Variants in PALM2AKAP2 observed in about 807,000 individuals in gnomAD.
The protein encoded by PALM2AKAP2 is PALM2-AKAP2 fusion protein.
In PALM2AKAP2, 37 loss-of-function variants were observed where a neutral mutation model predicts 71.5. The observed-to-expected ratio is 0.52, with a 90% CI of 0.40 to 0.68. The LOEUF is 0.68. Among genes scored for constraint, PALM2AKAP2 ranks in the 30% least tolerant of loss-of-function variants. The pLI is 0.00. For synonymous variants in PALM2AKAP2, 468 were observed against 478.8 expected, an observed-to-expected ratio of 0.98 and a Z score of 0.29; for missense variants, 1,224 against 1,191.8, an observed-to-expected ratio of 1.03 and a Z score of -0.40.
chr9:109,710,672 C>T (rs1407396), intron 1 of PALM2AKAP2, among the ~76,000 whole-genome samples: 39,594 of 151,982 alleles, frequency 0.26, 5,279 homozygotes, highest in East Asian at 0.38. Flanking sequence ...CTTGGTTTCC[C>T]GTCTGTCCTC....
At chr9:109,888,612 A>T (rs1830018268) in intron 3 of PALM2AKAP2, among the ~76,000 whole-genome samples, 1 of 148,542 alleles carries the variant, frequency 6.7e-6, no homozygotes, top group Non-Finnish European at 1.5e-5. Flanking sequence ...CAGGAGGCTG[A>T]GGCAGGAAAA....
chr9:109,937,914 T>A (rs562350301), intron 6 of PALM2AKAP2, among the ~76,000 whole-genome samples: 2 of 152,318 alleles, frequency 1.3e-5, no homozygotes, highest in South Asian at 4.1e-4. Context: ...CAGCAAGCCC[T>A]TTGACCCTCA....
At chr9:109,815,705 G>T (rs936042764) in intron 1 of PALM2AKAP2, among the ~76,000 whole-genome samples, 8 of 152,236 alleles carry the variant, frequency 5.3e-5, no homozygotes, top group Non-Finnish European at 7.3e-5. Context: ...GGTTCAGTGA[G>T]GTTGTGGAGT....
intron 6 of PALM2AKAP2, among the ~76,000 whole-genome samples, chr9:109,995,416 AGTTGAG>A (rs754999768): frequency 3.3e-5 from 5 of 152,240 alleles, no homozygotes; most frequent in Non-Finnish European, 2.9e-5. Context: ...CAAGGAATGC[AGTTGAG>A]GTGGTGCATT....
chr9:109,646,385 C>T (rs948666162), intron 1 of PALM2AKAP2, among the ~76,000 whole-genome samples: 2 of 152,212 alleles, frequency 1.3e-5, no homozygotes, highest in Non-Finnish European at 1.5e-5. Context: ...GAACATAACA[C>T]GAGAACTCTA....
At chr9:109,810,326 T>C (rs1338754644) in intron 1 of PALM2AKAP2, among the ~76,000 whole-genome samples, 1 of 152,142 alleles carries the variant, frequency 6.6e-6, no homozygotes, top group Non-Finnish European at 1.5e-5. Context: ...TTACAGGAGA[T>C]GGTGAGGCAC....
At chr9:110,118,729 G>A (rs190038297) in intron 1 of PALM2AKAP2, among the ~76,000 whole-genome samples, 11 of 152,264 alleles carry the variant, frequency 7.2e-5, no homozygotes, top group Non-Finnish European at 1.0e-4. Context: ...AAAGAACACA[G>A]TGAATAGAAG....
At chr9:109,716,727 A>G (rs910585135) in intron 1 of PALM2AKAP2, among the ~76,000 whole-genome samples, 3 of 152,222 alleles carry the variant, frequency 2.0e-5, no homozygotes, top group Non-Finnish European at 4.4e-5. Context: ...CTCCCTTTGA[A>G]AAACAGAAGC....
chr9:109,795,109 G>C (rs917668723), intron 1 of PALM2AKAP2, among the ~76,000 whole-genome samples: 10 of 152,184 alleles, frequency 6.6e-5, no homozygotes, highest in African/African-American at 2.4e-4. Flanking sequence ...TCTGCTGTCT[G>C]TGGGGCCGAT....
intron 1 of PALM2AKAP2, among the ~76,000 whole-genome samples, chr9:110,060,263 C>T (rs1287012425): frequency 6.6e-6 from 1 of 152,018 alleles, no homozygotes; most frequent in East Asian, 1.9e-4. Context: ...CAGGTGCGCA[C>T]CACAACATCC....
At chr9:110,163,818 C>T (rs925740094) in intron 3 of PALM2AKAP2, among the ~76,000 whole-genome samples, 3 of 151,904 alleles carry the variant, frequency 2.0e-5, no homozygotes, top group Admixed American at 6.6e-5. Context: ...TTTTTCTTAC[C>T]GTTAGAAATA....
At chr9:110,145,391 A>T (rs1331811340) in intron 2 of PALM2AKAP2, among the ~76,000 whole-genome samples, 1 of 152,214 alleles carries the variant, frequency 6.6e-6, no homozygotes, top group Non-Finnish European at 1.5e-5. Flanking sequence ...GTTATTTCCC[A>T]GGAAGAAGCT....
chr9:110,108,351 G>T (rs1405534382), intron 1 of PALM2AKAP2, among the ~76,000 whole-genome samples: 1 of 151,956 alleles, frequency 6.6e-6, no homozygotes, highest in Non-Finnish European at 1.5e-5. Flanking sequence ...GACCTCAGGT[G>T]ATCCACCTGC....
intron 1 of PALM2AKAP2, among the ~76,000 whole-genome samples, chr9:109,771,585 A>C (rs1245308620): frequency 2.6e-5 from 4 of 152,224 alleles, no homozygotes; most frequent in Admixed American, 1.3e-4. Context: ...AGAGTCCCAG[A>C]TGGAAATTGA....
intron 1 of PALM2AKAP2, among the ~76,000 whole-genome samples, chr9:109,831,164 C>G (rs1329352898): frequency 6.8e-6 from 1 of 147,396 alleles, no homozygotes; most frequent in Non-Finnish European, 1.5e-5. Flanking sequence ...CACACACACA[C>G]ACACACACAC....
intron 1 of PALM2AKAP2, among the ~76,000 whole-genome samples, chr9:109,694,028 C>A (rs1427081067): frequency 1.3e-5 from 2 of 151,926 alleles, no homozygotes; most frequent in Non-Finnish European, 2.9e-5. Context: ...TCTGCTCCCC[C>A]AATCTCCCCC....
At chr9:110,055,182 A>T (rs10980166) in intron 1 of PALM2AKAP2, among the ~76,000 whole-genome samples, 2,111 of 140,918 alleles carry the variant, frequency 0.015, 56 homozygotes, top group African/African-American at 0.049. Context: ...TTTTTTTTTT[A>T]AATTTTTATT....
intron 1 of PALM2AKAP2, among the ~76,000 whole-genome samples, chr9:109,661,836 T>C (rs935599544): frequency 9.9e-5 from 15 of 152,240 alleles, no homozygotes; most frequent in African/African-American, 3.4e-4. Context: ...TCCTGTTTTA[T>C]TTTGTTGAGC....
At chr9:110,026,648 T>C (rs538649230) in intron 7 of PALM2AKAP2, among the ~76,000 whole-genome samples, 10 of 152,286 alleles carry the variant, frequency 6.6e-5, no homozygotes, top group Admixed American at 2.0e-4. Flanking sequence ...TCTCTCCTAC[T>C]CCAGCTCCTG....
Sources: allele counts gnomAD v4.1 joint callset (sites outside exome capture counted in the v4.1 genomes callset), GRCh38; gene constraint gnomAD v4.1.1; transcripts MANE v1.5; gene names NCBI Gene and HGNC (gene_info 2026-07-23, HGNC 2026-07-21).